The following MPPED2 variants were observed in gnomAD, a reference collection of about 807,000 sequenced individuals.
MPPED2 encodes metallophosphoesterase domain containing 2.
MPPED2 carries 5 observed loss-of-function variants against 33.0 expected under a neutral mutation model. The ratio of observed to expected loss-of-function variants is 0.15; its 90% confidence interval spans 0.08 to 0.32. The LOEUF (loss-of-function observed/expected upper bound fraction) is 0.32, where lower values mean the gene tolerates loss of function less well. MPPED2 is among the 10% of genes least tolerant of loss of function. The probability of loss-of-function intolerance (pLI) is 1.00; values close to 1 mark genes in which losing one functional copy is unlikely to be tolerated. For synonymous variants in MPPED2, 136 were observed against 141.9 expected (o/e 0.96, Z 0.29); for missense variants, 275 against 372.1 (o/e 0.74, Z 2.15).
intron 5 of MPPED2, among the ~76,000 whole-genome samples, chr11:30,416,104 G>T (rs1004309035): frequency 2.0e-5 from 3 of 152,368 alleles, no homozygotes; most frequent in South Asian, 2.1e-4. Context: ...ACTTGATAAA[G>T]GTTGTTGACA....
intron 4 of MPPED2, among the ~76,000 whole-genome samples, chr11:30,474,563 C>T (rs1014955726): frequency 6.6e-6 from 1 of 152,284 alleles, no homozygotes; most frequent in South Asian, 2.1e-4. Flanking sequence ...CATCCTCCTT[C>T]CCACACTGAT....
At chr11:30,585,831 G>A (rs1957441409) in intron 1 of MPPED2, among the ~76,000 whole-genome samples, 1 of 152,174 alleles carries the variant, frequency 6.6e-6, no homozygotes, top group African/African-American at 2.4e-5. Context: ...GAATTGCCCG[G>A]GAGGCGCCCG....
intron 1 of MPPED2, among the ~76,000 whole-genome samples, chr11:30,581,439 C>G (rs898837811): frequency 1.1e-4 from 16 of 152,170 alleles, no homozygotes; most frequent in Non-Finnish European, 2.2e-4. Flanking sequence ...AGCAAATTCT[C>G]ATGTCCAAGT....
chr11:30,561,141 T>TAC (rs142359501), intron 2 of MPPED2, among the ~76,000 whole-genome samples: 45 of 151,952 alleles, frequency 3.0e-4, no homozygotes, highest in Non-Finnish European at 5.4e-4. Flanking sequence ...GGTGTGCATA[T>TAC]ACACACACAC....
chr11:30,427,499 C>T (rs1301228979), intron 4 of MPPED2, among the ~76,000 whole-genome samples: 1 of 152,092 alleles, frequency 6.6e-6, no homozygotes, highest in Non-Finnish European at 1.5e-5. Flanking sequence ...AATAAAATAC[C>T]ATACAGCCAT....
At chr11:30,402,684 T>A (rs558895986) in intron 6 of MPPED2, among the ~76,000 whole-genome samples, 1 of 152,178 alleles carries the variant, frequency 6.6e-6, no homozygotes, top group Admixed American at 6.5e-5. Context: ...CCCACCCCCA[T>A]CTTAGCTTTT....
chr11:30,449,698 G>A (rs1949967497), intron 4 of MPPED2, among the ~76,000 whole-genome samples: 1 of 152,122 alleles, frequency 6.6e-6, no homozygotes, highest in Non-Finnish European at 1.5e-5. Flanking sequence ...CCCCTTTTCT[G>A]CCTAAAAACA....
intron 6 of MPPED2, among the ~76,000 whole-genome samples, chr11:30,403,622 T>G (rs568154113): frequency 6.6e-6 from 1 of 152,336 alleles, no homozygotes; most frequent in South Asian, 2.1e-4. Flanking sequence ...AGGATCTCTA[T>G]GCCATTTGAT....
intron 4 of MPPED2, among the ~76,000 whole-genome samples, chr11:30,469,987 G>A (rs1311541797): frequency 6.6e-6 from 1 of 152,184 alleles, no homozygotes; most frequent in African/African-American, 2.4e-5. Context: ...CATTCGACCA[G>A]CAATATCTAA....
At chr11:30,554,979 C>A (rs1565180052) in intron 2 of MPPED2, among the ~76,000 whole-genome samples, 2 of 152,220 alleles carry the variant, frequency 1.3e-5, no homozygotes, top group Admixed American at 6.5e-5. Context: ...CACAGCTGTG[C>A]TGGTTTAGAC....
At chr11:30,537,944 G>A (rs1453632078) in intron 2 of MPPED2, among the ~76,000 whole-genome samples, 1 of 152,070 alleles carries the variant, frequency 6.6e-6, no homozygotes, top group Non-Finnish European at 1.5e-5. Flanking sequence ...GTTACACTCA[G>A]TCTCGGTGCT....
chr11:30,409,816 T>G (rs1019591704), downstream of MPPED2, among the ~76,000 whole-genome samples: 6 of 152,284 alleles, frequency 3.9e-5, no homozygotes, highest in East Asian at 1.9e-4. Context: ...GTGGGCATCA[T>G]TACAAAAGTG....
chr11:30,557,807 C>A (rs937916736), intron 2 of MPPED2, among the ~76,000 whole-genome samples: 1 of 152,150 alleles, frequency 6.6e-6, no homozygotes, highest in Non-Finnish European at 1.5e-5. Context: ...GAGAACTCTT[C>A]ATGGCAATGA....
At chr11:30,561,221 A>G (rs1051565519) in intron 2 of MPPED2, among the ~76,000 whole-genome samples, 1 of 152,204 alleles carries the variant, frequency 6.6e-6, no homozygotes, top group South Asian at 2.1e-4. Flanking sequence ...TACAGCCAGT[A>G]TATTCACTAG....
chr11:30,396,416 A>G (rs1324215446), intron 6 of MPPED2, among the ~76,000 whole-genome samples: 1 of 152,164 alleles, frequency 6.6e-6, no homozygotes, highest in Admixed American at 6.5e-5. Flanking sequence ...TTATGCTTAG[A>G]CATAACTATA....
chr11:30,430,694 T>A (rs1393694451), intron 4 of MPPED2, among the ~76,000 whole-genome samples: 1 of 152,232 alleles, frequency 6.6e-6, no homozygotes, highest in African/African-American at 2.4e-5. Flanking sequence ...CAATTATTTC[T>A]AAATTCTGCA....
At chr11:30,439,535 G>C (rs1025022763) in intron 4 of MPPED2, among the ~76,000 whole-genome samples, 1 of 152,112 alleles carries the variant, frequency 6.6e-6, no homozygotes, top group Non-Finnish European at 1.5e-5. Flanking sequence ...GTGGATTTTG[G>C]TAATTTTCAG....
At chr11:30,577,472 A>G (rs969210848) in intron 2 of MPPED2, among the ~76,000 whole-genome samples, 1 of 152,220 alleles carries the variant, frequency 6.6e-6, no homozygotes, top group Non-Finnish European at 1.5e-5. Context: ...AAAAGACAAA[A>G]TATCTTTACC....
At chr11:30,498,198 T>A (rs751427715) in intron 3 of MPPED2, among the ~76,000 whole-genome samples, 6 of 151,994 alleles carry the variant, frequency 3.9e-5, no homozygotes, top group Non-Finnish European at 7.4e-5. Flanking sequence ...TTTATTCAGA[T>A]CATGCCAGCT....
Sources: allele counts gnomAD v4.1 joint callset (sites outside exome capture counted in the v4.1 genomes callset), GRCh38; gene constraint gnomAD v4.1.1; transcripts MANE v1.5; gene names NCBI Gene and HGNC (gene_info 2026-07-23, HGNC 2026-07-21).